The following TMC1 variants were observed in gnomAD, a reference collection of about 807,000 sequenced individuals.
TMC1 encodes the protein transmembrane channel like 1.
A neutral mutation model predicts 105.8 loss-of-function variants in TMC1; 84 were observed. The ratio of observed to expected loss-of-function variants is 0.79; its 90% CI spans 0.67 to 0.95. The LOEUF (loss-of-function observed/expected upper bound fraction) is 0.95. Ranked by LOEUF, TMC1 falls within the 40% of genes least tolerant of loss-of-function variation. TMC1 has a pLI of 0.00. For synonymous variants in TMC1, 315 were observed against 311.5 expected, an observed-to-expected ratio of 1.01 and a Z score of -0.12; for missense variants, 817 against 914.1, an observed-to-expected ratio of 0.89 and a Z score of 1.37.
At chr9:72,805,596 G>C in intron 18 of TMC1, 86 bp downstream of exon 18, 2 of 1,249,064 alleles carry the variant, frequency 1.6e-6, no homozygotes, top group Non-Finnish European at 2.2e-6. Context: ...TCACAGAGGG[G>C]GATTTGGCAG....
chr9:72,568,662 TTA>T (rs1491341529), intron 1 of TMC1, among the ~76,000 whole-genome samples: 1 of 149,084 alleles, frequency 6.7e-6, no homozygotes, highest in Non-Finnish European at 1.5e-5. Context: ...AGAAATTTGT[TTA>T]TTTTTTTCAT....
In TMC1 at chr9:72,820,927, A is replaced by G. The variant is rs780400544; in HGVS notation, c.1849A>G (p.Met617Val). 5 of 1,613,946 alleles carry G rather than the reference A, an allele frequency of 3.1e-6. No homozygotes were observed. Among genetic ancestry groups the G allele is most frequent in the African/African-American group, 2.7e-5 (2 of 74,874 alleles). Residue 617 changes from methionine to valine, a missense_variant, in exon 20 of 24, where the codon ATG (methionine) becomes GTG (valine). Physicochemically the swap from Met to Val is conservative, Grantham distance 21. Coordinates refer to ENST00000297784, the MANE Select transcript of TMC1 (RefSeq NM_138691.3). ...CATGTACTTCCAGTGCTGGGCCGTT[A>G]TGTGCTGCAATGTTCCTGAGGCCAG... The part of the protein sequence containing the change: ...TSMYFQCWAV[M>V]CCNVPEARVF...
At chr9:72,558,201 T>C (rs1823977652) in intron 1 of TMC1, among the ~76,000 whole-genome samples, 1 of 152,098 alleles carries the variant, frequency 6.6e-6, no homozygotes, top group African/African-American at 2.4e-5. Context: ...TCTCCATAAA[T>C]GAAGACATGG....
chr9:72,729,743 C>A (rs1009858016), intron 8 of TMC1, among the ~76,000 whole-genome samples: 1 of 152,152 alleles, frequency 6.6e-6, no homozygotes, highest in African/African-American at 2.4e-5. Flanking sequence ...GACAACACTT[C>A]TCTAATGAAA....
chr9:72,787,136 A>G (rs1039307324), intron 13 of TMC1, among the ~76,000 whole-genome samples: 1 of 152,086 alleles, frequency 6.6e-6, no homozygotes, highest in African/African-American at 2.4e-5. Context: ...TCACTGCTGG[A>G]TAATGTCCAG....
chr9:72,566,812 G>A (rs564207789), intron 1 of TMC1, among the ~76,000 whole-genome samples: 1 of 152,206 alleles, frequency 6.6e-6, no homozygotes, highest in East Asian at 1.9e-4. Context: ...TTAGTCTAAG[G>A]CCTTCTCCCC....
intron 13 of TMC1, among the ~76,000 whole-genome samples, chr9:72,780,905 T>C (rs1255785505): frequency 1.3e-5 from 2 of 152,154 alleles, no homozygotes; most frequent in African/African-American, 2.4e-5. Flanking sequence ...ATTAGACAGA[T>C]TATTGAGGCA....
chr9:72,780,825 T>C (rs1828084460), intron 13 of TMC1, among the ~76,000 whole-genome samples: 1 of 152,178 alleles, frequency 6.6e-6, no homozygotes, highest in Admixed American at 6.5e-5. Context: ...ATAAAATAAG[T>C]TCTTGACCCA....
chr9:72,533,217 C>T (rs1208554760), intron 1 of TMC1, among the ~76,000 whole-genome samples: 3 of 152,200 alleles, frequency 2.0e-5, no homozygotes, highest in African/African-American at 7.2e-5. Context: ...GGAATATATT[C>T]ATCCAGAGAA....
intron 8 of TMC1, among the ~76,000 whole-genome samples, chr9:72,718,789 CT>C (rs1208201816): frequency 6.6e-6 from 1 of 152,100 alleles, no homozygotes; most frequent in Non-Finnish European, 1.5e-5. Flanking sequence ...TGAACTTTGT[CT>C]TTAGCTACCA....
chr9:72,715,727 T>C (rs1826905732), intron 8 of TMC1, among the ~76,000 whole-genome samples: 1 of 151,650 alleles, frequency 6.6e-6, no homozygotes, highest in Non-Finnish European at 1.5e-5. Flanking sequence ...CTCGGAGGAG[T>C]TTGTTATTAC....
rs1588013354 is a variant in TMC1 at position 72,652,267 on chromosome 9, A to G, written c.16+3603A>G. On this transcript the variant is annotated intron_variant, in intron 5 of 23. Transcript: ENST00000297784. ...CAGCAGAAAGAGGTTTGTTTGGGATATGGCTTGATTATTTGCAAGATATTT... is the reference window on the plus strand; with the variant it reads ...CAGCAGAAAGAGGTTTGTTTGGGATGTGGCTTGATTATTTGCAAGATATTT... 2.0e-5 allele frequency among the ~76,000 whole-genome samples: 3 copies of G among 152,330 alleles called. No homozygotes were observed. The South Asian group carries it at 6.2e-4, about 32-fold the overall frequency.
intron 7 of TMC1, among the ~76,000 whole-genome samples, chr9:72,699,874 T>G (rs1159063944): frequency 6.8e-6 from 1 of 147,752 alleles, no homozygotes; most frequent in Non-Finnish European, 1.5e-5. Flanking sequence ...GGAGAATTGC[T>G]TGAACCTGAG....
chr9:72,596,257 G>A (rs1264656073), intron 2 of TMC1, among the ~76,000 whole-genome samples: 1 of 152,146 alleles, frequency 6.6e-6, no homozygotes, highest in Non-Finnish European at 1.5e-5. Context: ...CTTCTCTGCA[G>A]GACCCAGTTT....
chr9:72,833,297 T>A (rs1829070712), intron 23 of TMC1, among the ~76,000 whole-genome samples: 1 of 152,244 alleles, frequency 6.6e-6, no homozygotes, highest in African/African-American at 2.4e-5. Flanking sequence ...AACATTTTCT[T>A]ATTTTTATAT....
intron 13 of TMC1, among the ~76,000 whole-genome samples, chr9:72,780,190 C>A (rs1393249375): frequency 6.6e-6 from 1 of 152,126 alleles, no homozygotes; most frequent in Non-Finnish European, 1.5e-5. Flanking sequence ...GAAATAAAAT[C>A]CTTTTCAGAC....
At chr9:72,621,158 A>G (rs1825242040) in intron 3 of TMC1, among the ~76,000 whole-genome samples, 1 of 152,260 alleles carries the variant, frequency 6.6e-6, no homozygotes, top group African/African-American at 2.4e-5. Flanking sequence ...ATCTGTAACT[A>G]GTCATCAGAG....
intron 5 of TMC1, among the ~76,000 whole-genome samples, chr9:72,680,514 T>A (rs1366062527): frequency 2.0e-5 from 3 of 152,158 alleles, no homozygotes; most frequent in Non-Finnish European, 4.4e-5. Context: ...ATGACTTGCT[T>A]TTTCTATTTT....
chr9:72,544,642 G>C (rs1823734000), intron 1 of TMC1, among the ~76,000 whole-genome samples: 1 of 151,530 alleles, frequency 6.6e-6, no homozygotes, highest in African/African-American at 2.4e-5. Flanking sequence ...ACCACACCCG[G>C]CTAATTTTTG....
Sources: allele counts gnomAD v4.1 joint callset (sites outside exome capture counted in the v4.1 genomes callset), GRCh38; gene constraint gnomAD v4.1.1; transcripts MANE v1.5; gene names NCBI Gene and HGNC (gene_info 2026-07-23, HGNC 2026-07-21).